Variants in SYT9 observed in about 807,000 individuals in gnomAD.
SYT9 encodes synaptotagmin-9.
SYT9 carries 22 observed loss-of-function variants against 48.4 expected under a neutral mutation model. The observed-to-expected ratio is 0.45, with a 90% CI of 0.32 to 0.65. The LOEUF is 0.65. Among genes scored for constraint, SYT9 ranks in the 30% least tolerant of loss-of-function variants. SYT9 has a pLI of 0.03. For synonymous variants in SYT9, 265 were observed against 245.0 expected (o/e 1.08, Z -0.76); for missense variants, 577 against 622.0 (o/e 0.93, Z 0.77).
At chr11:7,314,387 T>C (rs1849203594) in intron 3 of SYT9, 1 of 280,774 alleles carries the variant, frequency 3.6e-6, no homozygotes. Context: ...TTTCCCATGA[T>C]TGGATCCTCA....
At chr11:7,335,952 C>T (rs1198060667) in intron 3 of SYT9, among the ~76,000 whole-genome samples, 2 of 152,164 alleles carry the variant, frequency 1.3e-5, no homozygotes, top group Non-Finnish European at 2.9e-5. Flanking sequence ...AATTTACACT[C>T]CCACCAACAG....
chr11:7,413,896 C>A (rs1348083450), intron 3 of SYT9, among the ~76,000 whole-genome samples: 1 of 152,096 alleles, frequency 6.6e-6, no homozygotes, highest in Non-Finnish European at 1.5e-5. Flanking sequence ...CTGCACCCAG[C>A]TAATTTGCTA....
At chr11:7,336,174 T>C (rs1849627520) in intron 3 of SYT9, among the ~76,000 whole-genome samples, 1 of 152,194 alleles carries the variant, frequency 6.6e-6, no homozygotes, top group South Asian at 2.1e-4. Context: ...CTTGCCCACT[T>C]TTTAATAGGG....
At chr11:7,462,182 G>C (rs146730006) in intron 6 of SYT9, among the ~76,000 whole-genome samples, 4 of 152,368 alleles carry the variant, frequency 2.6e-5, no homozygotes, top group Admixed American at 6.5e-5. Context: ...CATGGTGGCA[G>C]ATTCTGGCTC....
chr11:7,261,712 A>T (rs1848083235), intron 1 of SYT9, among the ~76,000 whole-genome samples: 1 of 152,046 alleles, frequency 6.6e-6, no homozygotes, highest in Non-Finnish European at 1.5e-5. Context: ...CAGGGGGAAG[A>T]GCGTTCCAGG....
chr11:7,334,062 G>A lies in SYT9; in HGVS notation c.1044+20121G>A, dbSNP rs367606459. 5.6e-4 allele frequency among the ~76,000 whole-genome samples: 86 copies of A among 152,306 alleles called. No homozygotes were observed. The South Asian group carries it at 0.017, about 30-fold the overall frequency. ...AATAACATTGAAGCTGAGACAAAAG[G>A]ATAGTTAGGCATTTGCCTGAAGAAG... On this transcript the variant is annotated intron_variant, in intron 3 of 6. Transcript: ENST00000318881.
In SYT9 at chr11:7,398,032, A is replaced by G. The variant is rs887538747; in HGVS notation, c.1045-18010A>G. Among the ~76,000 whole-genome samples, 4 of 152,350 alleles carry G rather than the reference A, an allele frequency of 2.6e-5. No individual in the cohort carries two copies. The East Asian group carries it at 7.7e-4, about 29-fold the overall frequency. On this transcript the variant is annotated intron_variant, in intron 3 of 6. Transcript: ENST00000318881. ...TTGAACAGAAGAGATGAGAGCAGAC[A>G]TCCTCCCAATGCTCCTCTAGGGAGA...
At position 7,420,643 on chromosome 11, in the gene SYT9, C is replaced by G. The variant is rs985200260; in HGVS notation, c.1467+8C>G. On this transcript the variant is annotated splice_region_variant and intron_variant, in intron 6 of 6. Coordinates refer to ENST00000318881, the MANE Select transcript of SYT9 (RefSeq NM_175733.4). ...TGGCATTCCCTGGTGGAGGTAAGAC[C>G]CTAATCCACATGCTCCACTTTGCAT... 1 of 1,613,996 alleles carries G rather than the reference C, an allele frequency of 6.2e-7. No individual in the cohort carries two copies. Among genetic ancestry groups the G allele is most frequent in the Admixed American group, 1.7e-5 (1 of 60,014 alleles).
chr11:7,286,772 G>A (rs1279303181), intron 1 of SYT9, among the ~76,000 whole-genome samples: 3 of 151,440 alleles, frequency 2.0e-5, no homozygotes, highest in Non-Finnish European at 4.4e-5. Flanking sequence ...CAGTCTCTTT[G>A]CATAGCAAGA....
At chr11:7,268,395 T>A (rs1405199397) in intron 1 of SYT9, among the ~76,000 whole-genome samples, 1 of 151,948 alleles carries the variant, frequency 6.6e-6, no homozygotes, top group Non-Finnish European at 1.5e-5. Flanking sequence ...GCATCCTAAT[T>A]TACTTTGTGA....
intron 2 of SYT9, among the ~76,000 whole-genome samples, chr11:7,311,373 A>G (rs1268108018): frequency 2.0e-5 from 3 of 152,260 alleles, no homozygotes; most frequent in Non-Finnish European, 2.9e-5. Context: ...ACAAGGGTGA[A>G]GACAAAATGT....
intron 6 of SYT9, among the ~76,000 whole-genome samples, chr11:7,443,885 C>G (rs1290475104): frequency 6.6e-6 from 1 of 152,224 alleles, no homozygotes; most frequent in Non-Finnish European, 1.5e-5. Flanking sequence ...AAGAGCTTAG[C>G]TTCTATAGAG....
intron 1 of SYT9, among the ~76,000 whole-genome samples, chr11:7,280,790 C>T (rs191037766): frequency 1.1e-4 from 16 of 149,238 alleles, no homozygotes; most frequent in Admixed American, 2.0e-4. Context: ...ATACTATAGA[C>T]GTAAGTGGAG....
intron 3 of SYT9, among the ~76,000 whole-genome samples, chr11:7,378,915 C>A (rs886171695): frequency 6.6e-6 from 1 of 152,106 alleles, no homozygotes; most frequent in Non-Finnish European, 1.5e-5. Context: ...TTAATGTGTT[C>A]TTTTCTTCAA....
chr11:7,257,309 A>G (rs991283986), intron 1 of SYT9, among the ~76,000 whole-genome samples: 3 of 152,142 alleles, frequency 2.0e-5, no homozygotes, highest in African/African-American at 7.2e-5. Context: ...TCCCAACGTT[A>G]TCCTACATTT....
At chr11:7,404,571 G>C (rs572134059) in intron 3 of SYT9, among the ~76,000 whole-genome samples, 271 of 152,136 alleles carry the variant, frequency 1.8e-3, no homozygotes, top group Non-Finnish European at 3.5e-3. Flanking sequence ...TATAGTATAA[G>C]AAACTTACAA....
intron 6 of SYT9, among the ~76,000 whole-genome samples, chr11:7,459,515 G>A (rs1037365770): frequency 6.6e-6 from 1 of 152,210 alleles, no homozygotes; most frequent in Non-Finnish European, 1.5e-5. Flanking sequence ...ATGCCCAGAT[G>A]TGACAAATAA....
chr11:7,241,165 G>T (rs1471838491), intron 1 of SYT9, among the ~76,000 whole-genome samples: 1 of 151,632 alleles, frequency 6.6e-6, no homozygotes, highest in Non-Finnish European at 1.5e-5. Flanking sequence ...CCTAGAAAAA[G>T]AGTTACTCTA....
chr11:7,287,971 T>C (rs144408466), intron 1 of SYT9, among the ~76,000 whole-genome samples: 1 of 152,320 alleles, frequency 6.6e-6, no homozygotes, highest in East Asian at 1.9e-4. Flanking sequence ...CTGTGCACCA[T>C]GTTTTCCAAG....
Sources: gnomAD v4.1 joint callset for allele counts (sites outside exome capture counted in the v4.1 genomes callset) on GRCh38, gnomAD v4.1.1 for gene constraint, MANE v1.5 for transcripts, NCBI Gene and HGNC (gene_info 2026-07-23, HGNC 2026-07-21) for gene names.